The following L3MBTL4 variants were observed in gnomAD, a reference collection of about 807,000 sequenced individuals.
L3MBTL4 encodes L3MBTL histone methyl-lysine binding protein 4.
In L3MBTL4, 70 loss-of-function variants were observed where a neutral mutation model predicts 84.5. The observed-to-expected ratio is 0.83, with a 90% CI of 0.68 to 1.01. The LOEUF is 1.01. Among genes scored for constraint, L3MBTL4 ranks in the 50% least tolerant of loss-of-function variants. The probability of loss-of-function intolerance (pLI) is 0.00; values close to 1 mark genes in which losing one functional copy is unlikely to be tolerated. For missense variants in L3MBTL4, 715 were observed against 754.8 expected (o/e 0.95, Z 0.62); for synonymous variants, 274 against 259.8 (o/e 1.05, Z -0.52).
At chr18:6,313,827 GA>G (rs928156742) in intron 1 of L3MBTL4, among the ~76,000 whole-genome samples, 26 of 149,136 alleles carry the variant, frequency 1.7e-4, no homozygotes, top group Non-Finnish European at 2.4e-4. Context: ...TTTATATCAG[GA>G]AAAAAAAATG....
At chr18:6,070,701 G>A (rs1242180133) in intron 16 of L3MBTL4, among the ~76,000 whole-genome samples, 1 of 152,054 alleles carries the variant, frequency 6.6e-6, no homozygotes, top group Non-Finnish European at 1.5e-5. Flanking sequence ...AGCCGGGCAT[G>A]GTGGCACACA....
At chr18:6,046,363 A>G (rs2056618189) in intron 16 of L3MBTL4, among the ~76,000 whole-genome samples, 2 of 152,222 alleles carry the variant, frequency 1.3e-5, no homozygotes, top group African/African-American at 4.8e-5. Context: ...CAGAAAACTA[A>G]CAAATAAATT....
At chr18:6,141,060 G>A (rs774080935) in intron 13 of L3MBTL4, among the ~76,000 whole-genome samples, 3 of 148,768 alleles carry the variant, frequency 2.0e-5, no homozygotes, top group East Asian at 2.0e-4. Flanking sequence ...CACCTATTCC[G>A]CAAGCACTTA....
At chr18:6,319,449 A>C (rs1042952189) in intron 1 of L3MBTL4, among the ~76,000 whole-genome samples, 12 of 152,132 alleles carry the variant, frequency 7.9e-5, no homozygotes, top group African/African-American at 2.7e-4. Flanking sequence ...AAATGATGAC[A>C]TTACGACCAA....
chr18:6,214,196 T>G (rs1284970220), intron 11 of L3MBTL4, among the ~76,000 whole-genome samples: 1 of 152,146 alleles, frequency 6.6e-6, no homozygotes, highest in Non-Finnish European at 1.5e-5. Context: ...TTCTTTCACT[T>G]GAAAGGAAGA....
At chr18:6,112,966 A>G (rs1568141203) in intron 14 of L3MBTL4, among the ~76,000 whole-genome samples, 1 of 152,158 alleles carries the variant, frequency 6.6e-6, no homozygotes, top group Non-Finnish European at 1.5e-5. Context: ...TTGCCTCTAT[A>G]GTGTCCGGGA....
chr18:5,960,046 A>G (rs751859605), intron 18 of L3MBTL4, 48 bp downstream of exon 18: 1 of 215,480 alleles, frequency 4.6e-6, no homozygotes, highest in Non-Finnish European at 6.4e-6. Context: ...ATACACACAC[A>G]TATATATATA....
At chr18:6,230,747 G>GC (rs1324977337) in intron 10 of L3MBTL4, among the ~76,000 whole-genome samples, 1 of 152,102 alleles carries the variant, frequency 6.6e-6, no homozygotes, top group Non-Finnish European at 1.5e-5. Flanking sequence ...AACCTCACCA[G>GC]CATCTGTTAT....
chr18:6,241,741 G>A (rs986740510), intron 7 of L3MBTL4, among the ~76,000 whole-genome samples: 3 of 152,106 alleles, frequency 2.0e-5, no homozygotes, highest in Non-Finnish European at 4.4e-5. Flanking sequence ...CATCATTCCC[G>A]ATACAATTTC....
In L3MBTL4 at chr18:6,243,181, T is replaced by C. The variant is rs912779880; in HGVS notation, c.460+113A>G. ...ACTCTTTATGGAACACAATTTCATT[T>C]TGGAAATCAATCCACACCAGGATCT... On this transcript the variant is annotated intron_variant, in intron 7 of 18. Coordinates refer to ENST00000317931, the MANE Select transcript of L3MBTL4 (RefSeq NM_001330559.2). The C allele has an allele frequency of 1.5e-5, 14 of 929,062 alleles. No homozygotes were observed. In the Admixed American group the frequency reaches 1.6e-4, roughly 10 times the overall value. The allele number at this position is 929,062 out of a possible 1,614,324, so 57.6% of individuals were successfully genotyped here. A position where few individuals can be genotyped will look rare whatever the true frequency, so the allele number is the denominator to read the frequency against.
intron 4 of L3MBTL4, among the ~76,000 whole-genome samples, chr18:6,287,396 T>C (rs2049642927): frequency 6.6e-6 from 1 of 152,200 alleles, no homozygotes; most frequent in African/African-American, 2.4e-5. Context: ...GGCTCTTTCT[T>C]CTCTGATGCT....
At chr18:6,359,409 C>T (rs1367700341) in intron 1 of L3MBTL4, among the ~76,000 whole-genome samples, 1 of 152,014 alleles carries the variant, frequency 6.6e-6, no homozygotes, top group Non-Finnish European at 1.5e-5. Context: ...CATGCCACTG[C>T]ATTCCAGCCT....
At chr18:6,071,752 AG>A (rs2057632341) in intron 16 of L3MBTL4, among the ~76,000 whole-genome samples, 2 of 84,762 alleles carry the variant, frequency 2.4e-5, no homozygotes, top group East Asian at 9.5e-4. Context: ...AAGGAAAGAA[AG>A]AAAGAAAAAA....
chr18:6,033,339 A>T (rs1019586058), intron 16 of L3MBTL4, among the ~76,000 whole-genome samples: 4 of 152,040 alleles, frequency 2.6e-5, no homozygotes, highest in African/African-American at 9.6e-5. Flanking sequence ...CCATCTTTTT[A>T]TTTTTAATCT....
At chr18:6,340,893 AAT>A (rs1247503021) in intron 1 of L3MBTL4, among the ~76,000 whole-genome samples, 1 of 152,180 alleles carries the variant, frequency 6.6e-6, no homozygotes, top group Admixed American at 6.5e-5. Flanking sequence ...AGATTGGGAT[AAT>A]GTGTGCAATC....
intron 10 of L3MBTL4, among the ~76,000 whole-genome samples, chr18:6,230,576 A>G (rs1276144103): frequency 6.6e-6 from 1 of 152,160 alleles, no homozygotes; most frequent in Non-Finnish European, 1.5e-5. Flanking sequence ...AGAACAATTT[A>G]TATTCCTTTG....
intron 1 of L3MBTL4, among the ~76,000 whole-genome samples, chr18:6,382,153 G>T (rs1003450803): frequency 2.0e-5 from 3 of 152,110 alleles, no homozygotes. Flanking sequence ...GCTTCACGAA[G>T]TTCTCGTGCT....
chr18:6,293,178 T>C (rs1446441186), intron 4 of L3MBTL4, among the ~76,000 whole-genome samples: 2 of 152,162 alleles, frequency 1.3e-5, no homozygotes, highest in East Asian at 3.9e-4. Flanking sequence ...TGTTCATAAA[T>C]ATACAAACAG....
At chr18:6,334,702 A>G (rs2052237589) in intron 1 of L3MBTL4, among the ~76,000 whole-genome samples, 1 of 152,176 alleles carries the variant, frequency 6.6e-6, no homozygotes. Flanking sequence ...CAGGAATGTC[A>G]TACATAGCAA....
Sources: allele counts gnomAD v4.1 joint callset (sites outside exome capture counted in the v4.1 genomes callset), GRCh38; gene constraint gnomAD v4.1.1; transcripts MANE v1.5; gene names NCBI Gene and HGNC (gene_info 2026-07-23, HGNC 2026-07-21).